Variants in MAP7 observed in about 807,000 individuals in gnomAD.
MAP7 encodes microtubule associated protein 7.
MAP7 carries 52 observed loss-of-function variants against 94.8 expected under a neutral mutation model. That is an observed-to-expected ratio of 0.55 (90% CI 0.44 to 0.69). MAP7 has a LOEUF of 0.69. MAP7 is among the 30% of genes least tolerant of loss of function. MAP7 has a pLI of 0.00. For missense variants in MAP7, 940 were observed against 964.6 expected, an observed-to-expected ratio of 0.97 and a Z score of 0.34; for synonymous variants, 350 against 357.0, an observed-to-expected ratio of 0.98 and a Z score of 0.22.
intron 3 of MAP7, among the ~76,000 whole-genome samples, chr6:136,400,763 G>A (rs1441273081): frequency 6.6e-6 from 1 of 152,152 alleles, no homozygotes; most frequent in African/African-American, 2.4e-5. Flanking sequence ...GCTCTGACTC[G>A]AAAGCTTGTA....
intron 13 of MAP7, 64 bp downstream of exon 13, chr6:136,360,633 G>T: frequency 7.0e-7 from 1 of 1,425,144 alleles, no homozygotes; most frequent in Non-Finnish European, 9.9e-7. Flanking sequence ...GACGGCCAGG[G>T]CTAGTCTCTG....
At position 136,393,978 on chromosome 6, in the gene MAP7, A is replaced by AATT. The variant is rs1554242697; in HGVS notation, c.245-4462_245-4461insAAT. 9.1e-3 allele frequency among the ~76,000 whole-genome samples: 330 copies of AATT among 36,136 alleles called. 45 individuals are homozygous for AATT. The highest frequency in any genetic ancestry group is 0.015 in the Non-Finnish European group (203 of 13,940). The allele number at this position is 36,136 out of a possible 152,430, so 23.7% of individuals were successfully genotyped here. A position where few individuals can be genotyped will look rare whatever the true frequency, so the allele number is the denominator to read the frequency against. ...GTTCTGATATCTCTGCAGCAAAGGT[A>AATT]TTTTTTTTTTTTTTTTTTTTTTTGA... On this transcript the variant is annotated intron_variant, in intron 3 of 17. Transcript: ENST00000354570.
Position 136,427,765 on chromosome 6 carries a change from A to G in MAP7, c.68-5966T>C, listed in dbSNP as rs1052512676. Among the ~76,000 whole-genome samples, 4 of 152,246 alleles carry G rather than the reference A, an allele frequency of 2.6e-5. No homozygotes were observed. In the East Asian group the frequency reaches 7.7e-4, roughly 29 times the overall value. On this transcript the variant is annotated intron_variant, in intron 1 of 17. Coordinates refer to ENST00000354570, the MANE Select transcript of MAP7 (RefSeq NM_003980.6). ...TGCATTTCACACATCTATACAGAAC[A>G]CAAAGTTAGGATTTGGTGGCTATGG...
intron 1 of MAP7, among the ~76,000 whole-genome samples, chr6:136,543,265 G>A (rs909403669): frequency 3.3e-5 from 5 of 152,204 alleles, no homozygotes; most frequent in Non-Finnish European, 7.3e-5. Context: ...ACTTCATCAA[G>A]AAAAAGGATG....
chr6:136,461,707 G>C (rs1805271347), intron 1 of MAP7, among the ~76,000 whole-genome samples: 2 of 152,094 alleles, frequency 1.3e-5, no homozygotes, highest in Non-Finnish European at 2.9e-5. Context: ...GAATACTGAT[G>C]CCTTTAAGGA....
At chr6:136,410,581 A>G (rs186985323) in intron 3 of MAP7, among the ~76,000 whole-genome samples, 1 of 152,240 alleles carries the variant, frequency 6.6e-6, no homozygotes, top group East Asian at 1.9e-4. Context: ...CCAGTAAGCA[A>G]ATGAAATCTA....
chr6:136,419,935 T>C (rs1790727933), intron 2 of MAP7: 1 of 619,612 alleles, frequency 1.6e-6, no homozygotes, highest in South Asian at 1.6e-5. Context: ...TTCTATTTCT[T>C]CCTCTGATAG....
intron 1 of MAP7, among the ~76,000 whole-genome samples, chr6:136,536,875 G>T (rs960992407): frequency 6.6e-6 from 1 of 152,232 alleles, no homozygotes; most frequent in Non-Finnish European, 1.5e-5. Flanking sequence ...GAAAAAATCA[G>T]CTTTGCACAT....
intron 1 of MAP7, among the ~76,000 whole-genome samples, chr6:136,426,504 C>A (rs1050354636): frequency 1.3e-5 from 2 of 152,104 alleles, no homozygotes; most frequent in Non-Finnish European, 2.9e-5. Context: ...GGTTTAATAA[C>A]CAAATAAATG....
At chr6:136,344,845 G>A (rs1787246373) in intron 17 of MAP7, among the ~76,000 whole-genome samples, 1 of 152,192 alleles carries the variant, frequency 6.6e-6, no homozygotes, top group African/African-American at 2.4e-5. Context: ...TTGGATGGGT[G>A]GCTCACATTG....
rs1811397828 is a variant in MAP7 at position 136,477,738 on chromosome 6, GCA to G, written c.68-55941_68-55940del. Among the ~76,000 whole-genome samples, 5 of 152,162 alleles carry G rather than the reference GCA, an allele frequency of 3.3e-5. No homozygotes were observed. The South Asian group carries it at 1.0e-3, about 32-fold the overall frequency. On this transcript the variant is annotated intron_variant, in intron 1 of 17. Coordinates refer to ENST00000354570, the MANE Select transcript of MAP7 (RefSeq NM_003980.6). Reference sequence around the variant, plus strand: ...TGGACACTTCAACACCACAATTTCAGCACTGGACAGATCATTCAGACAGAAAA... The same window carrying G: ...TGGACACTTCAACACCACAATTTCAGCTGGACAGATCATTCAGACAGAAAA...
chr6:136,425,645 G>T (rs1331762676), intron 1 of MAP7, among the ~76,000 whole-genome samples: 5 of 151,982 alleles, frequency 3.3e-5, no homozygotes, highest in African/African-American at 9.7e-5. Context: ...CGAATCATAG[G>T]TATGAAGTGT....
intron 3 of MAP7, among the ~76,000 whole-genome samples, chr6:136,408,056 A>G (rs1433699861): frequency 6.6e-6 from 1 of 152,152 alleles, no homozygotes; most frequent in Non-Finnish European, 1.5e-5. Context: ...AATATTTAAA[A>G]AGGAGAGTGA....
chr6:136,493,439 A>G (rs1006863372), intron 1 of MAP7, among the ~76,000 whole-genome samples: 2 of 150,890 alleles, frequency 1.3e-5, no homozygotes, highest in Non-Finnish European at 3.0e-5. Flanking sequence ...TCCTTTTTTA[A>G]AGAGGTCTCA....
chr6:136,483,406 G>GTA (rs764310506), intron 1 of MAP7, among the ~76,000 whole-genome samples: 2 of 151,848 alleles, frequency 1.3e-5, no homozygotes, highest in Admixed American at 6.6e-5. Context: ...TACCTATTGG[G>GTA]TACCATGCTT....
At chr6:136,355,907 G>T (rs111494315) in intron 16 of MAP7, among the ~76,000 whole-genome samples, 126 of 152,272 alleles carry the variant, frequency 8.3e-4, no homozygotes, top group African/African-American at 3.0e-3. Context: ...ATAATTACAA[G>T]AAAAGAGAAA....
At chr6:136,472,394 A>G (rs959502443) in intron 1 of MAP7, among the ~76,000 whole-genome samples, 2 of 152,188 alleles carry the variant, frequency 1.3e-5, no homozygotes, top group Non-Finnish European at 2.9e-5. Flanking sequence ...AACCAATGTA[A>G]TCTTTCAGTT....
chr6:136,536,364 A>T (rs1828888654), intron 1 of MAP7, among the ~76,000 whole-genome samples: 1 of 152,140 alleles, frequency 6.6e-6, no homozygotes, highest in Admixed American at 6.5e-5. Flanking sequence ...GTTGGTAAGC[A>T]CTCAGGGGAC....
At chr6:136,478,788 C>G (rs1811753381) in intron 1 of MAP7, among the ~76,000 whole-genome samples, 1 of 151,562 alleles carries the variant, frequency 6.6e-6, no homozygotes, top group East Asian at 1.9e-4. Flanking sequence ...GTAATGAGAT[C>G]AAAGTAATAA....
Sources: allele counts gnomAD v4.1 joint callset (sites outside exome capture counted in the v4.1 genomes callset), GRCh38; gene constraint gnomAD v4.1.1; transcripts MANE v1.5; gene names NCBI Gene and HGNC (gene_info 2026-07-23, HGNC 2026-07-21).